The following TMEM266 variants were observed in gnomAD, a reference collection of about 807,000 sequenced individuals.
TMEM266 encodes transmembrane protein 266, also known as Hv1 related protein 1.
TMEM266 carries 33 observed loss-of-function variants against 50.5 expected under a neutral mutation model. The observed-to-expected ratio is 0.65, with a 90% CI of 0.50 to 0.87. The LOEUF (loss-of-function observed/expected upper bound fraction) is 0.87, where lower values mean the gene tolerates loss of function less well. TMEM266 is among the 40% of genes least tolerant of loss of function. TMEM266 has a pLI of 0.00. For missense variants in TMEM266, 655 were observed against 695.1 expected, an observed-to-expected ratio of 0.94 and a Z score of 0.65; for synonymous variants, 310 against 292.3, an observed-to-expected ratio of 1.06 and a Z score of -0.62.
chr15:76,203,910 C>A lies in TMEM266; in HGVS notation c.1191C>A (p.Ala397=). The change falls in exon 11 of 11, where the codon GCC becomes GCA. Residue 397 remains alanine, a synonymous_variant. Coordinates refer to ENST00000388942, the MANE Select transcript of TMEM266 (RefSeq NM_152335.3). ...CCTCCCGCAGCTCAGTCACCCGGGC[C>A]CAGAGTGACAGCAGCCAGACGCTGG... The A allele has an allele frequency of 6.2e-7, 1 of 1,614,152 alleles. No individual in the cohort carries two copies. Among genetic ancestry groups the A allele is most frequent in the South Asian group, 1.1e-5 (1 of 91,084 alleles).
At chr15:76,115,849 A>G (rs1239015104) in intron 1 of TMEM266, among the ~76,000 whole-genome samples, 4 of 152,110 alleles carry the variant, frequency 2.6e-5, no homozygotes, top group African/African-American at 9.7e-5. Flanking sequence ...GGATGCAGCT[A>G]TGTGACCTCT....
chr15:76,133,963 T>C (rs1043658598), intron 1 of TMEM266, among the ~76,000 whole-genome samples: 4 of 152,178 alleles, frequency 2.6e-5, no homozygotes, highest in African/African-American at 9.7e-5. Context: ...AGTCATTTTG[T>C]CACTCTGGCC....
At chr15:76,095,549 C>G (rs1268026232) in intron 1 of TMEM266, among the ~76,000 whole-genome samples, 1 of 152,032 alleles carries the variant, frequency 6.6e-6, no homozygotes, top group East Asian at 1.9e-4. Flanking sequence ...CATCGATTGT[C>G]ATCAGGGATA....
chr15:76,133,955 T>G (rs534876512), intron 1 of TMEM266, among the ~76,000 whole-genome samples: 10 of 152,222 alleles, frequency 6.6e-5, no homozygotes, highest in Middle Eastern at 3.4e-3. Flanking sequence ...CACAAAAAAG[T>G]CATTTTGTCA....
chr15:76,096,932 A>ATT (rs61532742), intron 1 of TMEM266, among the ~76,000 whole-genome samples: 4,014 of 125,854 alleles, frequency 0.032, 188 homozygotes, highest in Admixed American at 0.13. Context: ...GCAACTCCTG[A>ATT]TTTTTTTTTT....
chr15:76,177,271 G>A (rs1414127211), intron 8 of TMEM266, among the ~76,000 whole-genome samples: 1 of 152,246 alleles, frequency 6.6e-6, no homozygotes, highest in Non-Finnish European at 1.5e-5. Context: ...CCAGCACTCC[G>A]CGCGTTGTAG....
At chr15:76,076,364 C>T (rs1460987819) in intron 1 of TMEM266, among the ~76,000 whole-genome samples, 1 of 152,046 alleles carries the variant, frequency 6.6e-6, no homozygotes. Flanking sequence ...AATATAAATA[C>T]ACTCCTTCTC....
Position 76,169,854 on chromosome 15 carries a change from C to T in TMEM266, c.495C>T (p.Tyr165=), listed in dbSNP as rs764113105. ...TTGTGGTGCTTGGGATCTGGGATTA[C>T]ATCGAAAACAAAATAGAGGTAAAGA... Residue 165 remains tyrosine (Y), a synonymous_variant, in exon 6 of 11, where the codon TAC becomes TAT. Coordinates refer to ENST00000388942, the MANE Select transcript of TMEM266 (RefSeq NM_152335.3). 19 of 1,613,698 alleles carry T rather than the reference C, an allele frequency of 1.2e-5. No individual in the cohort carries two copies. Among genetic ancestry groups the T allele is most frequent in the Middle Eastern group, 1.7e-4 (1 of 6,040 alleles).
At chr15:76,165,480 G>C (rs1389538319) in intron 5 of TMEM266, among the ~76,000 whole-genome samples, 1 of 152,232 alleles carries the variant, frequency 6.6e-6, no homozygotes, top group Non-Finnish European at 1.5e-5. Context: ...AGGCAAAACT[G>C]GGATAAAGGA....
At chr15:76,068,022 C>G (rs75986380) in intron 1 of TMEM266, among the ~76,000 whole-genome samples, 2,034 of 152,258 alleles carry the variant, frequency 0.013, 55 homozygotes, top group African/African-American at 0.047. Context: ...TTGTGCTTTG[C>G]TGAAAGGCCA....
chr15:76,075,090 C>T (rs1306984867), intron 1 of TMEM266, among the ~76,000 whole-genome samples: 11 of 151,998 alleles, frequency 7.2e-5, no homozygotes, highest in African/African-American at 2.4e-4. Flanking sequence ...ATCTGTGAGA[C>T]ATGTAATTGA....
chr15:76,151,962 T>C (rs1399168181), intron 3 of TMEM266, among the ~76,000 whole-genome samples: 3 of 151,994 alleles, frequency 2.0e-5, no homozygotes, highest in African/African-American at 7.3e-5. Context: ...CCCGCAGAGG[T>C]TGTTGTTCAG....
At chr15:76,191,919 C>T (rs780586907) in intron 8 of TMEM266, 49 bp from the exon 9 acceptor site, 16 of 1,508,054 alleles carry the variant, frequency 1.1e-5, no homozygotes, top group African/African-American at 5.8e-5. Context: ...GCTGGAGGCC[C>T]CCGCCGGCCC....
chr15:76,201,830 C>T (rs977815615), intron 9 of TMEM266, among the ~76,000 whole-genome samples: 8 of 152,210 alleles, frequency 5.3e-5, no homozygotes. Context: ...GCAGTGTTTC[C>T]AGTGCCCTTG....
chr15:76,090,685 A>T (rs1388264429), intron 1 of TMEM266, among the ~76,000 whole-genome samples: 1 of 152,074 alleles, frequency 6.6e-6, no homozygotes, highest in Admixed American at 6.6e-5. Context: ...AAAAGTGTCC[A>T]CGGGATTTGG....
chr15:76,138,412 C>T (rs1043695656), intron 3 of TMEM266, among the ~76,000 whole-genome samples: 9 of 152,206 alleles, frequency 5.9e-5, no homozygotes, highest in African/African-American at 1.9e-4. Context: ...ACCTGCCAGA[C>T]GACCTCTTAG....
At chr15:76,152,033 T>C (rs1342571346) in intron 3 of TMEM266, among the ~76,000 whole-genome samples, 1 of 152,146 alleles carries the variant, frequency 6.6e-6, no homozygotes, top group Non-Finnish European at 1.5e-5. Flanking sequence ...TGCTCTAGTG[T>C]GCAGCTGGGC....
chr15:76,141,401 A>G (rs1476478817), intron 3 of TMEM266, among the ~76,000 whole-genome samples: 1 of 151,178 alleles, frequency 6.6e-6, no homozygotes, highest in Non-Finnish European at 1.5e-5. Context: ...ATGCCCAGCT[A>G]ATTTTTTTTT....
rs1441225373 is a variant in TMEM266 at position 76,163,535 on chromosome 15, G to A, written c.456+3367G>A. Among the ~76,000 whole-genome samples the A allele has an allele frequency of 2.0e-5, 3 of 152,206 alleles. No homozygotes were observed. The East Asian group carries it at 5.8e-4, about 29-fold the overall frequency. The stretch of plus-strand genomic sequence containing the variant: ...GGCCCTGCAGCACCAAGAATATGCA[G>A]GGCCTTGCAATCCAGATGGAGAATT... On this transcript the variant is annotated intron_variant, in intron 5 of 10. Transcript: ENST00000388942.
Sources: gnomAD v4.1 joint callset for allele counts (sites outside exome capture counted in the v4.1 genomes callset) on GRCh38, gnomAD v4.1.1 for gene constraint, MANE v1.5 for transcripts, NCBI Gene and HGNC (gene_info 2026-07-23, HGNC 2026-07-21) for gene names.